Variants in ZNF608 observed in about 807,000 individuals in gnomAD.
ZNF608 encodes renal carcinoma antigen NY-REN-36.
Under a neutral mutation model 109.0 loss-of-function variants are expected in ZNF608, and 12 were observed. The ratio of observed to expected loss-of-function variants is 0.11; its 90% CI spans 0.07 to 0.18. The LOEUF is 0.18. Among genes scored for constraint, ZNF608 ranks in the 10% least tolerant of loss-of-function variants. The pLI is 1.00. For missense variants in ZNF608, 1,707 were observed against 1,879.3 expected (o/e 0.91, Z 1.70); for synonymous variants, 732 against 717.4 (o/e 1.02, Z -0.33).
chr5:124,645,759 C>G (rs557262868), intron 5 of ZNF608, among the ~76,000 whole-genome samples: 1 of 152,078 alleles, frequency 6.6e-6, no homozygotes, highest in Non-Finnish European at 1.5e-5. Context: ...AGGCCTGCCA[C>G]CCAAACCTCC....
intron 2 of ZNF608, among the ~76,000 whole-genome samples, chr5:124,709,170 C>CAAAAAAAAAAAAAAAAAAAAA (rs1156276798): frequency 3.1e-5 from 1 of 32,710 alleles, no homozygotes; most frequent in Non-Finnish European, 5.3e-5. Flanking sequence ...GACTCTGTCT[C>CAAAAAAAAAAAAAAAAAAAAA]AAAAAAAAAA....
chr5:124,696,946 AC>A (rs1752871669), intron 3 of ZNF608, among the ~76,000 whole-genome samples: 1 of 151,942 alleles, frequency 6.6e-6, no homozygotes, highest in Non-Finnish European at 1.5e-5. Flanking sequence ...CCAATACCAA[AC>A]CAGACCAAAA....
At chr5:124,672,760 C>A (rs1751781197) in intron 3 of ZNF608, among the ~76,000 whole-genome samples, 1 of 152,176 alleles carries the variant, frequency 6.6e-6, no homozygotes, top group Non-Finnish European at 1.5e-5. Flanking sequence ...ACATGACATT[C>A]TTTGAAGGAA....
At chr5:124,649,898 T>TCGTGCG (rs1314147102) in intron 3 of ZNF608, among the ~76,000 whole-genome samples, 1 of 152,254 alleles carries the variant, frequency 6.6e-6, no homozygotes, top group Non-Finnish European at 1.5e-5. Context: ...TGTTGTGCAT[T>TCGTGCG]CGTGCGCGTG....
chr5:124,655,038 T>C (rs953076291), intron 3 of ZNF608, among the ~76,000 whole-genome samples: 7 of 152,286 alleles, frequency 4.6e-5, no homozygotes, highest in African/African-American at 1.7e-4. Flanking sequence ...GGCTACCTAA[T>C]AGTGAGAATT....
Position 124,648,336 on chromosome 5 carries a change from A to G in ZNF608, c.2048T>C (p.Leu683Ser), listed in dbSNP as rs760930538. ...GCCGTCTGCTGCCGAGCAACTGTCTAACGCAGCCGTCATGTTGGAGATTAC... is the reference window on the plus strand; with the variant it reads ...GCCGTCTGCTGCCGAGCAACTGTCTGACGCAGCCGTCATGTTGGAGATTAC... ...LPVISNMTAALDSCSAADGSL... is the reference protein window; with the variant it reads ...LPVISNMTAASDSCSAADGSL... The change falls in exon 5 of 10, where the codon TTA (leucine) becomes TCA (serine). Residue 683 changes from leucine (L) to serine (S), a missense_variant. Transcript: ENST00000513986. 1.2e-6 allele frequency: 2 copies of G among 1,614,256 alleles called. No homozygotes were observed. The highest frequency in any genetic ancestry group is 1.7e-6 in the Non-Finnish European group (2 of 1,180,044).
intron 3 of ZNF608, among the ~76,000 whole-genome samples, chr5:124,687,128 C>T (rs75055646): frequency 6.6e-6 from 1 of 152,150 alleles, no homozygotes; most frequent in Non-Finnish European, 1.5e-5. Context: ...TTCATACACA[C>T]GTAAACAGAC....
intron 3 of ZNF608, among the ~76,000 whole-genome samples, chr5:124,663,031 T>A (rs566062021): frequency 6.6e-6 from 1 of 152,230 alleles, no homozygotes; most frequent in Non-Finnish European, 1.5e-5. Context: ...GATGGAAGAA[T>A]GAGGTAGAAA....
intron 2 of ZNF608, among the ~76,000 whole-genome samples, chr5:124,741,123 C>T (rs1457380081): frequency 6.6e-6 from 1 of 152,128 alleles, no homozygotes; most frequent in Non-Finnish European, 1.5e-5. Flanking sequence ...AGAAATATAG[C>T]TCAAACATCT....
chr5:124,639,574 T>C (rs1018085629), intron 8 of ZNF608, among the ~76,000 whole-genome samples: 1 of 152,230 alleles, frequency 6.6e-6, no homozygotes, highest in South Asian at 2.1e-4. Flanking sequence ...AGAAGCGGCA[T>C]GCTATTTGCC....
At position 124,725,381 on chromosome 5, in the gene ZNF608, T is replaced by C. The variant is rs1288245873; in HGVS notation, c.906+18703A>G. On this transcript the variant is annotated intron_variant, in intron 2 of 9. Coordinates refer to ENST00000513986, the MANE Select transcript of ZNF608 (RefSeq NM_020747.3). ...TCCAGGACCCAGACTGTGCTAGGCA[T>C]ATAATAGACATTCAAAAAAATGTTT... Among the ~76,000 whole-genome samples the C allele has an allele frequency of 4.6e-5, 7 of 152,182 alleles. No individual in the cohort carries two copies. The East Asian group carries it at 1.4e-3, about 29-fold the overall frequency.
intron 8 of ZNF608, 141 bp from the exon 9 acceptor site, chr5:124,639,355 G>A: frequency 2.9e-6 from 2 of 686,238 alleles, no homozygotes; most frequent in South Asian, 1.7e-5. Context: ...ATGCAGCAAG[G>A]ACACAGTACA....
At chr5:124,678,459 G>A (rs1360759724) in intron 3 of ZNF608, among the ~76,000 whole-genome samples, 1 of 152,170 alleles carries the variant, frequency 6.6e-6, no homozygotes, top group Non-Finnish European at 1.5e-5. Context: ...AAGTGCCACT[G>A]ATAGGTTCCT....
intron 2 of ZNF608, among the ~76,000 whole-genome samples, chr5:124,711,644 A>T (rs145606395): frequency 5.4e-4 from 83 of 152,314 alleles, no homozygotes; most frequent in African/African-American, 2.0e-3. Flanking sequence ...CCTTCATCCA[A>T]CAAGTTTTTG....
At chr5:124,728,917 A>G (rs1748753112) in intron 2 of ZNF608, among the ~76,000 whole-genome samples, 1 of 152,110 alleles carries the variant, frequency 6.6e-6, no homozygotes, top group Admixed American at 6.5e-5. Flanking sequence ...TCTTCTTATA[A>G]TTCCAAGTAA....
chr5:124,728,361 A>G (rs1748715893), intron 2 of ZNF608, among the ~76,000 whole-genome samples: 1 of 152,146 alleles, frequency 6.6e-6, no homozygotes, highest in South Asian at 2.1e-4. Context: ...TTTCAGGAGG[A>G]ATTTAGCCAA....
intron 2 of ZNF608, among the ~76,000 whole-genome samples, chr5:124,724,375 A>C (rs1258996204): frequency 6.6e-6 from 1 of 151,622 alleles, no homozygotes; most frequent in African/African-American, 2.4e-5. Context: ...CCAATTTCTG[A>C]CCTCTTTTTT....
chr5:124,676,641 C>A (rs1751956799), intron 3 of ZNF608, among the ~76,000 whole-genome samples: 1 of 152,078 alleles, frequency 6.6e-6, no homozygotes, highest in Non-Finnish European at 1.5e-5. Context: ...GGCTTAGATA[C>A]CAGGAGAAAG....
At chr5:124,672,314 T>C (rs1751762636) in intron 3 of ZNF608, among the ~76,000 whole-genome samples, 1 of 152,146 alleles carries the variant, frequency 6.6e-6, no homozygotes, top group East Asian at 1.9e-4. Context: ...AAAGGCCACT[T>C]ATTAAAAAAA....
Sources: allele counts gnomAD v4.1 joint callset (sites outside exome capture counted in the v4.1 genomes callset), GRCh38; gene constraint gnomAD v4.1.1; transcripts MANE v1.5; gene names NCBI Gene and HGNC (gene_info 2026-07-23, HGNC 2026-07-21).